The following SLC25A26 variants were observed in gnomAD, a reference collection of about 807,000 sequenced individuals.
The protein encoded by SLC25A26 is mitochondrial S-adenosylmethionine carrier protein.
Under a neutral mutation model 37.8 loss-of-function variants are expected in SLC25A26, and 36 were observed. The observed-to-expected ratio is 0.95, with a 90% CI of 0.73 to 1.26. The LOEUF (loss-of-function observed/expected upper bound fraction) is 1.26. Among genes scored for constraint, SLC25A26 ranks in the 50% most tolerant of loss-of-function variants. SLC25A26 has a pLI of 0.00. For missense variants in SLC25A26, 390 were observed against 331.1 expected, an observed-to-expected ratio of 1.18 and a Z score of -1.38; for synonymous variants, 129 against 122.5, an observed-to-expected ratio of 1.05 and a Z score of -0.35.
chr3:66,295,644 G>A (rs901574692), intron 5 of SLC25A26, among the ~76,000 whole-genome samples: 1 of 151,506 alleles, frequency 6.6e-6, no homozygotes, highest in African/African-American at 2.4e-5. Flanking sequence ...TTCGTGATCC[G>A]CCCACCTCGG....
At chr3:66,263,303 C>G in intron 4 of SLC25A26, 29 bp from the exon 5 acceptor site, 1 of 1,593,434 alleles carries the variant, frequency 6.3e-7, no homozygotes, top group South Asian at 1.1e-5. Flanking sequence ...GCCATTCTTT[C>G]TGAACTCTCG....
At chr3:66,308,158 G>C (rs2075278676) in intron 5 of SLC25A26, among the ~76,000 whole-genome samples, 1 of 152,002 alleles carries the variant, frequency 6.6e-6, no homozygotes, top group African/African-American at 2.4e-5. Flanking sequence ...CCATTTGTTT[G>C]GGTCCTCTCT....
intron 5 of SLC25A26, among the ~76,000 whole-genome samples, chr3:66,335,777 C>T (rs1255130036): frequency 1.3e-5 from 2 of 152,180 alleles, no homozygotes; most frequent in East Asian, 3.9e-4. Context: ...TCCGACCATA[C>T]AGCAGTATAA....
At chr3:66,286,700 A>G (rs1365302392) in intron 5 of SLC25A26, among the ~76,000 whole-genome samples, 2 of 152,064 alleles carry the variant, frequency 1.3e-5, no homozygotes. Context: ...TTTTCTCGAG[A>G]CAAGGGTGTT....
intron 5 of SLC25A26, among the ~76,000 whole-genome samples, chr3:66,290,254 C>G (rs2074659402): frequency 6.6e-6 from 1 of 151,960 alleles, no homozygotes; most frequent in Non-Finnish European, 1.5e-5. Flanking sequence ...ATTATGTCAT[C>G]TGCAAACAGA....
chr3:66,263,448 C>A, intron 5 of SLC25A26, 69 bp downstream of exon 5: 1 of 919,246 alleles, frequency 1.1e-6, no homozygotes, highest in Non-Finnish European at 1.7e-6. Flanking sequence ...ATTTATACTA[C>A]TTAACAATTA....
intron 5 of SLC25A26, among the ~76,000 whole-genome samples, chr3:66,307,667 A>G (rs1487671268): frequency 6.6e-6 from 1 of 152,114 alleles, no homozygotes; most frequent in East Asian, 1.9e-4. Flanking sequence ...ATCTTGAGTT[A>G]ATTTTTGTAT....
chr3:66,329,057 C>A (rs1185330911), intron 5 of SLC25A26, among the ~76,000 whole-genome samples: 1 of 152,118 alleles, frequency 6.6e-6, no homozygotes, highest in Admixed American at 6.5e-5. Context: ...ACATTGTGAT[C>A]ACTAAGGGTT....
At chr3:66,204,441 A>AG (rs2071150419) in intron 1 of SLC25A26, among the ~76,000 whole-genome samples, 4 of 89,376 alleles carry the variant, frequency 4.5e-5, no homozygotes, top group Non-Finnish European at 7.9e-5. Flanking sequence ...AAAAAAAAAG[A>AG]AAAAAAGAAA....
At chr3:66,358,658 T>C (rs377701927) in intron 6 of SLC25A26, among the ~76,000 whole-genome samples, 6 of 152,328 alleles carry the variant, frequency 3.9e-5, no homozygotes, top group East Asian at 3.9e-4. Flanking sequence ...GCCTCATCTT[T>C]AGACAATTTT....
chr3:66,210,289 CAAT>C (rs1175257612), intron 1 of SLC25A26, among the ~76,000 whole-genome samples: 1 of 151,776 alleles, frequency 6.6e-6, no homozygotes, highest in African/African-American at 2.4e-5. Context: ...TTATAGATTG[CAAT>C]AAGTTCTGGG....
chr3:66,283,708 T>C (rs1479025131), intron 5 of SLC25A26, among the ~76,000 whole-genome samples: 1 of 152,202 alleles, frequency 6.6e-6, no homozygotes, highest in Non-Finnish European at 1.5e-5. Flanking sequence ...AATGGTTTTA[T>C]TTATTATTGT....
chr3:66,134,097 A>G (rs2069910812), intron 1 of SLC25A26: 1 of 152,240 alleles, frequency 6.6e-6, no homozygotes, highest in Admixed American at 6.5e-5. Context: ...GCTATTTAGA[A>G]GTTATTTTAA....
intron 1 of SLC25A26, among the ~76,000 whole-genome samples, chr3:66,209,901 TATATATA>T (rs2071258336): frequency 4.1e-4 from 6 of 14,484 alleles, no homozygotes; most frequent in Non-Finnish European, 6.8e-4. Flanking sequence ...TCTCTATTTA[TATATATA>T]TATATATATA....
chr3:66,242,077 G>T (rs1025151841), intron 2 of SLC25A26, among the ~76,000 whole-genome samples: 3 of 152,126 alleles, frequency 2.0e-5, no homozygotes, highest in Non-Finnish European at 4.4e-5. Context: ...GGGAGGTTTG[G>T]AACTTATATT....
intron 5 of SLC25A26, chr3:66,293,320 A>G (rs961343324): frequency 1.3e-5 from 2 of 152,044 alleles, no homozygotes; most frequent in African/African-American, 4.8e-5. Context: ...GGCTTTCTTC[A>G]TGAAATCATA....
chr3:66,352,417 C>T (rs1401462309), intron 6 of SLC25A26, among the ~76,000 whole-genome samples: 1 of 147,512 alleles, frequency 6.8e-6, no homozygotes, highest in African/African-American at 2.6e-5. Flanking sequence ...TAGCGCCTCC[C>T]CTCGTTTTTT....
At chr3:66,305,041 C>G (rs2075178329) in intron 5 of SLC25A26, among the ~76,000 whole-genome samples, 2 of 152,064 alleles carry the variant, frequency 1.3e-5, no homozygotes, top group Non-Finnish European at 2.9e-5. Flanking sequence ...TGACAGTTTT[C>G]TAGGAACTGA....
intron 5 of SLC25A26, among the ~76,000 whole-genome samples, chr3:66,297,612 G>T (rs1341388590): frequency 6.6e-6 from 1 of 152,108 alleles, no homozygotes; most frequent in Non-Finnish European, 1.5e-5. Context: ...TTAAAAAATA[G>T]TTGGTAAACT....
Sources: gnomAD v4.1 joint callset for allele counts (sites outside exome capture counted in the v4.1 genomes callset) on GRCh38, gnomAD v4.1.1 for gene constraint, MANE v1.5 for transcripts, NCBI Gene and HGNC (gene_info 2026-07-23, HGNC 2026-07-21) for gene names.